MRS2: variants seen among roughly 807,000 people sequenced by gnomAD.
The protein encoded by MRS2 is magnesium transporter MRS2 homolog, mitochondrial.
In MRS2, 40 loss-of-function variants were observed where a neutral mutation model predicts 52.6. The observed-to-expected ratio is 0.76, with a 90% CI of 0.59 to 0.99. The LOEUF is 0.99. Ranked by LOEUF, MRS2 falls within the 50% of genes least tolerant of loss-of-function variation. The probability of loss-of-function intolerance (pLI) is 0.00; values close to 1 mark genes in which losing one functional copy is unlikely to be tolerated. For missense variants in MRS2, 472 were observed against 532.7 expected, an observed-to-expected ratio of 0.89 and a Z score of 1.12; for synonymous variants, 193 against 195.9, an observed-to-expected ratio of 0.98 and a Z score of 0.13.
chr6:24,425,081 T>C lies in MRS2; in HGVS notation c.*1387T>C, dbSNP rs528327602. 1.3e-5 allele frequency: 2 copies of C among 152,228 alleles called. No homozygotes were observed. Among genetic ancestry groups the C allele is most frequent in the Non-Finnish European group, 2.9e-5 (2 of 68,052 alleles). The allele number at this position is 152,228 out of a possible 1,614,324, so 9.4% of individuals were successfully genotyped here. On this transcript the variant is annotated 3_prime_UTR_variant, in exon 11 of 11. Transcript: ENST00000378386. ...GGGTCAGGAACACGCGTCATGGTGT[T>C]CTTGTCGGAATGTGAACATACAGCA...
Position 24,418,218 on chromosome 6 carries a change from T to C in MRS2, c.971T>C (p.Ile324Thr). ...CTGATTGATGATTCACAAAGTATTA[T>C]TTTCATTAATCTGGACAGGTAAGAA... is the stretch of plus-strand genomic sequence containing the variant. Reference protein sequence around the residue: ...RVLIDDSQSIIFINLDSHRNV... With the variant: ...RVLIDDSQSITFINLDSHRNV... The change falls in exon 8 of 11, where the codon ATT (isoleucine) becomes ACT (threonine). Residue 324 changes from isoleucine to threonine, a missense_variant. Coordinates refer to ENST00000378386, the MANE Select transcript of MRS2 (RefSeq NM_020662.4). 1 of 1,610,854 alleles carries C rather than the reference T, an allele frequency of 6.2e-7. No individual in the cohort carries two copies. The highest frequency in any genetic ancestry group is 8.5e-7 in the Non-Finnish European group (1 of 1,178,874).
At chr6:24,422,531 T>C (rs1762081182) in intron 9 of MRS2, among the ~76,000 whole-genome samples, 1 of 152,128 alleles carries the variant, frequency 6.6e-6, no homozygotes, top group African/African-American at 2.4e-5. Flanking sequence ...TTATTTCCCT[T>C]GCAACTTTAA....
intron 4 of MRS2, chr6:24,410,694 T>G: frequency 2.1e-6 from 3 of 1,449,088 alleles, no homozygotes; most frequent in Non-Finnish European, 9.2e-7. Context: ...TTATCAAAAA[T>G]GAAGCAGTCT....
rs1761579918 is a variant in MRS2 at position 24,409,437 on chromosome 6, CCTCT to C, written c.302-21_302-18del. On this transcript the variant is annotated intron_variant, in intron 3 of 10. Transcript: ENST00000378386. ...AGCCATTTAATGTATTTGGTTTAGC[CCTCT>C]CTGTTTATTTCTTTTATAGAAAGGA... is the stretch of plus-strand genomic sequence containing the variant. The C allele has an allele frequency of 3.5e-6, 5 of 1,422,302 alleles. No individual in the cohort carries two copies. The highest frequency in any genetic ancestry group is 3.9e-6 in the Non-Finnish European group (4 of 1,015,742). The allele number at this position is 1,422,302 out of a possible 1,614,324, so 88.1% of individuals were successfully genotyped here.
intron 6 of MRS2, among the ~76,000 whole-genome samples, chr6:24,415,907 A>C (rs1761833872): frequency 1.3e-5 from 2 of 151,414 alleles, no homozygotes; most frequent in Non-Finnish European, 2.9e-5. Flanking sequence ...GTGCAGTCTC[A>C]GCTCACTGCA....
In MRS2 at chr6:24,408,416, T is replaced by C. The variant is rs1561806888; in HGVS notation, c.273T>C (p.Phe91=). The change falls in exon 3 of 11, where the codon TTT becomes TTC. Residue 91 remains phenylalanine (F), a synonymous_variant. Coordinates refer to ENST00000378386, the MANE Select transcript of MRS2 (RefSeq NM_020662.4). The part of the protein sequence containing the change: ...SVAPVFTVTK[F]DKQGNVTSFE... ...TTATTCTCTATTTTCAGACAAAATT[T>C]GACAAACAGGGAAACGTTACTTCTT... 1.3e-6 allele frequency: 2 copies of C among 1,586,694 alleles called. No homozygotes were observed.
chr6:24,410,728 A>G, intron 4 of MRS2: 1 of 1,528,254 alleles, frequency 6.5e-7, no homozygotes, highest in Non-Finnish European at 8.8e-7. Flanking sequence ...TTTCTTCAGA[A>G]ATATTCTCTA....
In MRS2 at chr6:24,415,129, A is replaced by G; in HGVS notation, c.685A>G (p.Ser229Gly). 1.2e-6 allele frequency: 2 copies of G among 1,606,498 alleles called. No homozygotes were observed. Among genetic ancestry groups the G allele is most frequent in the Non-Finnish European group, 1.7e-6 (2 of 1,174,314 alleles). The part of the protein sequence containing the change: ...VDPKHSSVDR[S>G]KLHILLQNGK... ...CCCCAAACATTCTTCTGTAGACAGAAGCAAACTGCACATTTTACTACAGAA... is the reference window on the plus strand; with the variant it reads ...CCCCAAACATTCTTCTGTAGACAGAGGCAAACTGCACATTTTACTACAGAA... Residue 229 changes from serine (S) to glycine (G), a missense_variant, in exon 6 of 11, where the codon AGC becomes GGC. Ser to Gly is a moderately conservative substitution (Grantham distance 56). Coordinates refer to ENST00000378386, the MANE Select transcript of MRS2 (RefSeq NM_020662.4).
intron 5 of MRS2, among the ~76,000 whole-genome samples, chr6:24,413,664 G>A (rs550535606): frequency 5.9e-5 from 9 of 151,324 alleles, no homozygotes; most frequent in Non-Finnish European, 1.2e-4. Flanking sequence ...TTCTTAACCC[G>A]GAAGCAGTTC....
chr6:24,406,865 G>T (rs1761492586), intron 2 of MRS2, among the ~76,000 whole-genome samples: 1 of 152,186 alleles, frequency 6.6e-6, no homozygotes. Flanking sequence ...AATTCATAAA[G>T]CTATGGAATC....
At chr6:24,417,586 A>G (rs537977711) in intron 7 of MRS2, among the ~76,000 whole-genome samples, 1 of 152,274 alleles carries the variant, frequency 6.6e-6, no homozygotes, top group East Asian at 1.9e-4. Flanking sequence ...TCTGTCCTCA[A>G]CTCATCTGTA....
At chr6:24,409,834 A>G (rs1367094190) in intron 4 of MRS2, among the ~76,000 whole-genome samples, 1 of 152,158 alleles carries the variant, frequency 6.6e-6, no homozygotes, top group African/African-American at 2.4e-5. Context: ...CACTGTTGGG[A>G]TTTACTCTCT....
intron 2 of MRS2, among the ~76,000 whole-genome samples, chr6:24,407,405 G>A (rs1456519017): frequency 6.6e-6 from 1 of 152,140 alleles, no homozygotes; most frequent in Admixed American, 6.6e-5. Flanking sequence ...GATTAACACA[G>A]CATGTATATT....
At chr6:24,413,005 C>T (rs187138022) in intron 5 of MRS2, among the ~76,000 whole-genome samples, 1 of 152,270 alleles carries the variant, frequency 6.6e-6, no homozygotes, top group Non-Finnish European at 1.5e-5. Flanking sequence ...GAACCTGGCA[C>T]ACTTTTCTTT....
intron 6 of MRS2, 61 bp from the exon 7 acceptor site, chr6:24,416,336 A>G (rs1415963320): frequency 1.2e-5 from 9 of 727,246 alleles, no homozygotes; most frequent in Non-Finnish European, 1.9e-5. Flanking sequence ...TAAAAACACT[A>G]TTATGAAATG....
chr6:24,403,326 T>A, intron 1 of MRS2, 90 bp downstream of exon 1: 2 of 1,297,666 alleles, frequency 1.5e-6, no homozygotes, highest in Non-Finnish European at 2.0e-6. Flanking sequence ...GCGCGCCTGT[T>A]GCTCCGCGCC....
In MRS2 at chr6:24,409,492, A is replaced by G. The variant is rs200230655; in HGVS notation, c.333A>G (p.Leu111=). 6.2e-7 allele frequency: 1 copy of G among 1,610,378 alleles called. No individual in the cohort carries two copies. The highest frequency in any genetic ancestry group is 2.2e-5 in the East Asian group (1 of 44,736). Residue 111 remains leucine, a synonymous_variant, in exon 4 of 11, where the codon TTA becomes TTG. Coordinates refer to ENST00000378386, the MANE Select transcript of MRS2 (RefSeq NM_020662.4). ...AGAAAACTGAATTATACCAAGAGTT[A>G]GGTCTTCAAGCCAGAGATTTGAGAT... ...ERKKTELYQE[L]GLQARDLRFQ... is the part of the protein sequence containing the mutation.
intron 5 of MRS2, among the ~76,000 whole-genome samples, chr6:24,412,732 T>C (rs908743019): frequency 3.3e-5 from 5 of 152,224 alleles, no homozygotes; most frequent in African/African-American, 7.2e-5. Flanking sequence ...TAGATTGACA[T>C]AGGAATCACG....
In MRS2 at chr6:24,418,520, C is replaced by G; in HGVS notation, c.1049C>G (p.Ser350Trp). 2 of 1,613,996 alleles carry G rather than the reference C, an allele frequency of 1.2e-6. No homozygotes were observed. Among genetic ancestry groups the G allele is most frequent in the South Asian group, 2.2e-5 (2 of 91,074 alleles). ...CTGACCATGGGAACCTTCTCTCTTT[C>G]GCTCTTTGGACTAATGGGAGTTGCT... ...LQLTMGTFSL[S>W]LFGLMGVAFG... The change falls in exon 9 of 11, where the codon TCG (serine) becomes TGG (tryptophan). Residue 350 changes from serine (S) to tryptophan (W), a missense_variant. Transcript: ENST00000378386.
Sources: gnomAD v4.1 joint callset for allele counts (sites outside exome capture counted in the v4.1 genomes callset) on GRCh38, gnomAD v4.1.1 for gene constraint, MANE v1.5 for transcripts, NCBI Gene and HGNC (gene_info 2026-07-23, HGNC 2026-07-21) for gene names.